The following EYA2 variants were observed in gnomAD, a reference collection of about 807,000 sequenced individuals.
EYA2 encodes EYA transcriptional coactivator and phosphatase 2.
Under a neutral mutation model 69.2 loss-of-function variants are expected in EYA2, and 31 were observed. The observed-to-expected ratio is 0.45, with a 90% confidence interval of 0.34 to 0.60. The LOEUF is 0.60. Among genes scored for constraint, EYA2 ranks in the 20% least tolerant of loss-of-function variants. EYA2 has a pLI of 0.02. For missense variants in EYA2, 622 were observed against 701.2 expected (o/e 0.89, Z 1.28); for synonymous variants, 257 against 279.4 (o/e 0.92, Z 0.80).
chr20:47,077,349 T>C (rs1339174309), intron 7 of EYA2, among the ~76,000 whole-genome samples: 3 of 152,248 alleles, frequency 2.0e-5, no homozygotes, highest in East Asian at 3.8e-4. Flanking sequence ...TCTTCTCTTT[T>C]ACAAGGTGGT....
chr20:47,049,599 C>T (rs1206370412), intron 5 of EYA2, among the ~76,000 whole-genome samples: 1 of 55,588 alleles, frequency 1.8e-5, no homozygotes, highest in African/African-American at 4.1e-5. Flanking sequence ...GTGACACCCC[C>T]TGCTCCATGT....
rs1329663559 is a variant in EYA2, at chr20:47,074,705, G to A, written c.661+370G>A. On this transcript the variant is annotated intron_variant, in intron 7 of 15. Coordinates refer to ENST00000327619, the MANE Select transcript of EYA2 (RefSeq NM_005244.5). ...GAACACCACTTGGTTAAAACTAAGT[G>A]TGTCTGCTCTTTTTAGAAAGGACAC... Among the ~76,000 whole-genome samples the A allele has an allele frequency of 2.6e-5, 4 of 152,212 alleles. No homozygotes were observed. In the East Asian group the frequency reaches 5.8e-4, roughly 22 times the overall value.
chr20:46,932,884 C>CA (rs1985734118), intron 1 of EYA2, among the ~76,000 whole-genome samples: 1 of 152,008 alleles, frequency 6.6e-6, no homozygotes, highest in Admixed American at 6.6e-5. Context: ...GCCTCTGTCT[C>CA]AAAAAATATT....
intron 1 of EYA2, among the ~76,000 whole-genome samples, chr20:46,961,939 AG>A: frequency 6.6e-6 from 1 of 152,366 alleles, no homozygotes; most frequent in Non-Finnish European, 1.5e-5. Context: ...AATAAGTTCC[AG>A]TGATCTATAC....
chr20:47,087,227 A>C (rs927761057), intron 7 of EYA2, among the ~76,000 whole-genome samples: 14 of 152,198 alleles, frequency 9.2e-5, no homozygotes, highest in Non-Finnish European at 1.6e-4. Flanking sequence ...CTTAAAGGGA[A>C]ATAGTTCTTT....
At chr20:47,021,567 C>CA (rs1410286575) in intron 5 of EYA2, among the ~76,000 whole-genome samples, 3 of 145,970 alleles carry the variant, frequency 2.1e-5, no homozygotes, top group Non-Finnish European at 4.5e-5. Context: ...GTGGAGGTTG[C>CA]AGTGAGCCGA....
chr20:47,160,608 G>A (rs776279990), intron 10 of EYA2, among the ~76,000 whole-genome samples: 7 of 152,202 alleles, frequency 4.6e-5, no homozygotes, highest in Non-Finnish European at 1.0e-4. Context: ...GAGAGGAGAC[G>A]GGGATAACTC....
chr20:46,973,563 G>A (rs529389718), intron 1 of EYA2, among the ~76,000 whole-genome samples: 2 of 152,294 alleles, frequency 1.3e-5, no homozygotes, highest in South Asian at 4.2e-4. Flanking sequence ...AGGTGTGGTG[G>A]AGAGAAGAGA....
chr20:46,926,004 G>C (rs1460706041), intron 1 of EYA2, among the ~76,000 whole-genome samples: 1 of 152,126 alleles, frequency 6.6e-6, no homozygotes, highest in Admixed American at 6.5e-5. Flanking sequence ...TACTTTCCAG[G>C]CACCAATTTG....
chr20:47,121,254 G>A (rs1264155898), intron 9 of EYA2, among the ~76,000 whole-genome samples: 1 of 152,112 alleles, frequency 6.6e-6, no homozygotes, highest in African/African-American at 2.4e-5. Context: ...GCCACACTCA[G>A]CTAATTTTTG....
At chr20:46,982,974 A>G (rs1980937559) in intron 1 of EYA2, among the ~76,000 whole-genome samples, 1 of 151,786 alleles carries the variant, frequency 6.6e-6, no homozygotes, top group South Asian at 2.1e-4. Flanking sequence ...GGGTTTCACC[A>G]TGTTGGCCAG....
At chr20:47,170,326 G>C (rs989343597) in intron 11 of EYA2, among the ~76,000 whole-genome samples, 10 of 152,098 alleles carry the variant, frequency 6.6e-5, no homozygotes, top group Non-Finnish European at 1.5e-4. Context: ...ATGGCTTCCA[G>C]GAATCAGGTA....
At chr20:47,131,755 CA>C (rs1568797749) in intron 9 of EYA2, among the ~76,000 whole-genome samples, 1 of 152,196 alleles carries the variant, frequency 6.6e-6, no homozygotes, top group Non-Finnish European at 1.5e-5. Context: ...CAAAGGAACG[CA>C]GCCCTGCAGA....
intron 1 of EYA2, among the ~76,000 whole-genome samples, chr20:46,899,034 C>T (rs951127220): frequency 3.3e-5 from 5 of 152,158 alleles, no homozygotes; most frequent in Admixed American, 1.3e-4. Flanking sequence ...CAGCTCTTCA[C>T]GTGTATTTTT....
At chr20:47,097,200 T>C (rs765913499) in intron 9 of EYA2, 32 bp downstream of exon 9, 1 of 1,541,986 alleles carries the variant, frequency 6.5e-7, no homozygotes, top group Non-Finnish European at 8.9e-7. Context: ...CTCTCTCTTT[T>C]TTTGTTTTCA....
At chr20:46,975,159 C>A (rs532887452) in intron 1 of EYA2, among the ~76,000 whole-genome samples, 1 of 152,066 alleles carries the variant, frequency 6.6e-6, no homozygotes, top group Non-Finnish European at 1.5e-5. Flanking sequence ...GTGATGGAAT[C>A]GTTCTCTAGA....
intron 8 of EYA2, among the ~76,000 whole-genome samples, chr20:47,092,941 G>A (rs1192915391): frequency 2.6e-5 from 4 of 152,144 alleles, no homozygotes; most frequent in African/African-American, 9.7e-5. Context: ...GCACGTGCCA[G>A]GGACCAACTT....
chr20:46,916,224 ACCTACATCTGCCCC>A (rs952928695), intron 1 of EYA2, among the ~76,000 whole-genome samples: 1 of 152,108 alleles, frequency 6.6e-6, no homozygotes, highest in Non-Finnish European at 1.5e-5. Flanking sequence ...AACTTATTTG[ACCTACATCTGCCCC>A]CCTCCTGTGA....
At chr20:47,078,331 G>GCACA (rs60383949) in intron 7 of EYA2, among the ~76,000 whole-genome samples, 2,212 of 123,796 alleles carry the variant, frequency 0.018, 22 homozygotes, top group South Asian at 0.071. Flanking sequence ...GCGCGCGCGC[G>GCACA]CACACACACA....
Sources: gnomAD v4.1 joint callset for allele counts (sites outside exome capture counted in the v4.1 genomes callset) on GRCh38, gnomAD v4.1.1 for gene constraint, MANE v1.5 for transcripts, NCBI Gene and HGNC (gene_info 2026-07-23, HGNC 2026-07-21) for gene names.